SLC5A10: variants seen among roughly 807,000 people sequenced by gnomAD.
SLC5A10 encodes the protein sodium/mannose cotransporter SLC5A10.
SLC5A10 carries 55 observed loss-of-function variants against 68.9 expected under a neutral mutation model. The ratio of observed to expected loss-of-function variants is 0.80; its 90% confidence interval spans 0.64 to 1.00. The LOEUF is 1.00. SLC5A10 is among the 50% of genes least tolerant of loss of function. SLC5A10 has a pLI of 0.00. For missense variants in SLC5A10, 732 were observed against 819.3 expected (o/e 0.89, Z 1.30); for synonymous variants, 344 against 344.8 (o/e 1.00, Z 0.02).
intron 9 of SLC5A10, among the ~76,000 whole-genome samples, chr17:19,006,422 A>G (rs1211538420): frequency 1.1e-5 from 1 of 89,226 alleles, no homozygotes; most frequent in African/African-American, 4.3e-5. Context: ...TTTTTTTTGT[A>G]GAGACAAGGC....
In SLC5A10 at chr17:19,017,233, C is replaced by T. The variant is rs1190077478; in HGVS notation, c.1241+2034C>T. 2.0e-6 allele frequency: 3 copies of T among 1,492,928 alleles called. No homozygotes were observed. The highest frequency in any genetic ancestry group is 2.5e-5 in the East Asian group (1 of 40,588). The allele number at this position is 1,492,928 out of a possible 1,614,324, so 92.5% of individuals were successfully genotyped here. On this transcript the variant is annotated intron_variant, in intron 11 of 14. Transcript: ENST00000395645. This position sits in a 1 kb window ranked among gnomAD's most constrained non-coding sequence, Gnocchi z 5.6. ...TGCCAGCTGGATAGAGCAGAAAGGG[C>T]CCCGTGCCAGGTGTCAGGCTGGCCA...
chr17:19,016,281 G>T (rs530273357), intron 11 of SLC5A10, among the ~76,000 whole-genome samples: 1 of 152,212 alleles, frequency 6.6e-6, no homozygotes, highest in African/African-American at 2.4e-5. Context: ...CCTGACCTCA[G>T]GTTATTCATC....
At chr17:18,964,375 C>T (rs998015813) in intron 5 of SLC5A10, among the ~76,000 whole-genome samples, 1 of 152,210 alleles carries the variant, frequency 6.6e-6, no homozygotes, top group Non-Finnish European at 1.5e-5. Context: ...AAAGTGCCTG[C>T]AGACAATACC....
In SLC5A10 at chr17:19,020,602, G is replaced by A. The variant is rs757444774; in HGVS notation, c.*171G>A. On this transcript the variant is annotated 3_prime_UTR_variant, in exon 15 of 15. Coordinates refer to ENST00000395645, the MANE Select transcript of SLC5A10 (RefSeq NM_001042450.4). The stretch of plus-strand genomic sequence containing the variant: ...AGCGGGAGCCCTGAAAAATTAGGGG[G>A]GAAATGGGAGAAAATAATGTGACAT... The A allele has an allele frequency of 1.0e-5, 6 of 596,470 alleles. No homozygotes were observed. The highest frequency in any genetic ancestry group is 4.2e-5 in the South Asian group (2 of 47,368). The allele number at this position is 596,470 out of a possible 1,614,324, so 36.9% of individuals were successfully genotyped here. A position where few individuals can be genotyped will look rare whatever the true frequency, so the allele number is the denominator to read the frequency against.
intron 9 of SLC5A10, chr17:18,978,785 T>C (rs1360802093): frequency 6.2e-7 from 1 of 1,612,776 alleles, no homozygotes; most frequent in Non-Finnish European, 8.5e-7. Context: ...GTCAAACATC[T>C]CCACCACCTG....
rs1567777095 is a variant in SLC5A10 at position 18,959,193 on chromosome 17, G to A, written c.242G>A (p.Gly81Asp). ...EGSGLFIGLA[G>D]SGAAGGLAVA... is the part of the protein sequence containing the mutation. ...TCTGGCCTCTTCATTGGACTGGCGG[G>A]CTCAGGCGCGGCAGGAGGTCTGGCC... Residue 81 changes from glycine to aspartate, a missense_variant, in exon 3 of 15, where the codon GGC (glycine) becomes GAC (aspartate). By Grantham distance (94) the Gly-to-Asp change is moderately conservative (BLOSUM62 -1). Transcript: ENST00000395645. 1 of 1,613,606 alleles carries A rather than the reference G, an allele frequency of 6.2e-7. No homozygotes were observed. The highest frequency in any genetic ancestry group is 8.5e-7 in the Non-Finnish European group (1 of 1,180,004).
At chr17:18,985,010 A>G (rs1288771888) in intron 9 of SLC5A10, among the ~76,000 whole-genome samples, 1 of 152,238 alleles carries the variant, frequency 6.6e-6, no homozygotes, top group Non-Finnish European at 1.5e-5. Flanking sequence ...TGGCCCAAGC[A>G]ACAGGGCAGC....
intron 9 of SLC5A10, among the ~76,000 whole-genome samples, chr17:19,008,797 C>CATTATTATT (rs1452725812): frequency 1.4e-5 from 2 of 144,078 alleles, no homozygotes; most frequent in African/African-American, 5.2e-5. Flanking sequence ...CCGTGCCTGG[C>CATTATTATT]ATTATTATTA....
intron 5 of SLC5A10, 64 bp downstream of exon 5, chr17:18,960,716 A>G (rs1169033135): frequency 7.6e-6 from 11 of 1,443,048 alleles, no homozygotes; most frequent in Non-Finnish European, 1.1e-5. Context: ...GGGCCCCTCA[A>G]GAGGACCTGA....
intron 9 of SLC5A10, among the ~76,000 whole-genome samples, chr17:19,006,069 T>G (rs2043881611): frequency 6.6e-6 from 1 of 152,178 alleles, no homozygotes; most frequent in African/African-American, 2.4e-5. Flanking sequence ...AAGGCCTCAC[T>G]CCCACCTCCA....
chr17:18,978,380 A>G, intron 9 of SLC5A10: 1 of 1,593,000 alleles, frequency 6.3e-7, no homozygotes, highest in Non-Finnish European at 8.5e-7. Flanking sequence ...GATGATATTG[A>G]TGTAGCCCAG....
chr17:18,950,863 G>A (rs1164314159), upstream of SLC5A10: 4 of 181,688 alleles, frequency 2.2e-5, no homozygotes, highest in Non-Finnish European at 4.2e-5. Context: ...TTACAGGTGC[G>A]TACCACCATG....
rs1757305663 is a variant in SLC5A10, at chr17:19,000,667, G to C, written c.983-12743G>C. 6.6e-6 allele frequency among the ~76,000 whole-genome samples: 1 copy of C among 152,188 alleles called. No homozygotes were observed. The highest frequency in any genetic ancestry group is 2.1e-4 in the South Asian group (1 of 4,838). ...CAGCAGCCCCAGCCTAAAGCCCCCG[G>C]TGGGAAGGGGCCAGTGTGCGGCAAG... On this transcript the variant is annotated intron_variant, in intron 9 of 14. Transcript: ENST00000395645. This position sits in a 1 kb window ranked among gnomAD's most constrained non-coding sequence, Gnocchi z 5.2.
chr17:18,992,162 G>A (rs1397893132), intron 9 of SLC5A10, among the ~76,000 whole-genome samples: 1 of 152,134 alleles, frequency 6.6e-6, no homozygotes, highest in Non-Finnish European at 1.5e-5. Context: ...CGCCCGATGA[G>A]CACCTCCTCC....
Position 18,959,599 on chromosome 17 carries a change from C to T in SLC5A10, c.289-5C>T. The T allele has an allele frequency of 1.9e-6, 3 of 1,613,782 alleles. No individual in the cohort carries two copies. Among genetic ancestry groups the T allele is most frequent in the Non-Finnish European group, 2.5e-6 (3 of 1,179,978 alleles). ...TGCAGTCCTCACCTGTCTCTGTCCCCATAGGCCACGTACGTGCTGCTGGCA... is the reference window on the plus strand; with the variant it reads ...TGCAGTCCTCACCTGTCTCTGTCCCTATAGGCCACGTACGTGCTGCTGGCA... On this transcript the variant is annotated splice_polypyrimidine_tract_variant and splice_region_variant and intron_variant, in intron 3 of 14. Transcript: ENST00000395645.
intron 5 of SLC5A10, among the ~76,000 whole-genome samples, chr17:18,963,816 G>A (rs2042658613): frequency 6.6e-6 from 1 of 152,228 alleles, no homozygotes; most frequent in South Asian, 2.1e-4. Flanking sequence ...CTCCATCATT[G>A]TGGGGCTCTA....
chr17:18,985,744 A>G (rs115138605), intron 9 of SLC5A10, among the ~76,000 whole-genome samples: 3,306 of 152,200 alleles, frequency 0.022, 122 homozygotes, highest in African/African-American at 0.074. Context: ...TGGATATGTC[A>G]CCCTACAGAC....
At chr17:19,001,533 A>C (rs1011591643) in intron 9 of SLC5A10, among the ~76,000 whole-genome samples, 2 of 152,218 alleles carry the variant, frequency 1.3e-5, no homozygotes, top group Non-Finnish European at 2.9e-5. Flanking sequence ...ACAGACTGGC[A>C]CCCAAACTGG....
chr17:18,992,247 C>T (rs76608373), intron 9 of SLC5A10, among the ~76,000 whole-genome samples: 1 of 152,320 alleles, frequency 6.6e-6, no homozygotes, highest in African/African-American at 2.4e-5. Flanking sequence ...TCGAATCCCC[C>T]ACCTCCCTCT....
Sources: gnomAD v4.1 joint callset for allele counts (sites outside exome capture counted in the v4.1 genomes callset) on GRCh38, gnomAD v4.1.1 for gene constraint, Gnocchi (gnomAD v3.1) non-coding constraint, MANE v1.5 for transcripts, NCBI Gene and HGNC (gene_info 2026-07-23, HGNC 2026-07-21) for gene names.